Variants in APBB2 observed in about 807,000 individuals in gnomAD.
APBB2 encodes Fe65-like 1.
APBB2 carries 38 observed loss-of-function variants against 82.5 expected under a neutral mutation model. That is an observed-to-expected ratio of 0.46 (90% CI 0.36 to 0.60). The LOEUF (loss-of-function observed/expected upper bound fraction) is 0.60, where lower values mean the gene tolerates loss of function less well. Among genes scored for constraint, APBB2 ranks in the 20% least tolerant of loss-of-function variants. APBB2 has a pLI of 0.00. For missense variants in APBB2, 772 were observed against 972.3 expected (o/e 0.79, Z 2.74); for synonymous variants, 341 against 368.2 (o/e 0.93, Z 0.85).
chr4:41,088,333 A>G (rs1740538588), intron 3 of APBB2, among the ~76,000 whole-genome samples: 2 of 152,172 alleles, frequency 1.3e-5, no homozygotes, highest in Admixed American at 6.5e-5. Context: ...CCACATCAAT[A>G]TACACCCACT....
chr4:40,854,051 C>T (rs1760347006), intron 12 of APBB2, among the ~76,000 whole-genome samples: 2 of 152,162 alleles, frequency 1.3e-5, no homozygotes, highest in South Asian at 4.1e-4. Flanking sequence ...TCCTTATCTG[C>T]CGAACAGCAT....
chr4:41,115,234 A>G (rs1190753633), intron 2 of APBB2, among the ~76,000 whole-genome samples: 1 of 152,222 alleles, frequency 6.6e-6, no homozygotes, highest in Non-Finnish European at 1.5e-5. Flanking sequence ...AGGATTCCCT[A>G]TTTAATAAAT....
At chr4:41,204,804 T>A (rs866788486) in intron 1 of APBB2, among the ~76,000 whole-genome samples, 18 of 152,168 alleles carry the variant, frequency 1.2e-4, no homozygotes, top group African/African-American at 4.1e-4. Flanking sequence ...AGGGGAGAGA[T>A]GACTGTGTCA....
intron 2 of APBB2, among the ~76,000 whole-genome samples, chr4:41,108,414 T>C (rs1445881647): frequency 6.6e-6 from 1 of 151,926 alleles, no homozygotes; most frequent in African/African-American, 2.4e-5. Context: ...CAATTAATGG[T>C]TCTCAGTTGG....
At chr4:40,942,692 C>T (rs1344305981) in intron 7 of APBB2, among the ~76,000 whole-genome samples, 1 of 152,060 alleles carries the variant, frequency 6.6e-6, no homozygotes, top group African/African-American at 2.4e-5. Flanking sequence ...CAAGGGTGTG[C>T]CCTTCTGAGC....
intron 1 of APBB2, among the ~76,000 whole-genome samples, chr4:41,166,050 AT>A (rs1207851588): frequency 6.6e-6 from 1 of 150,936 alleles, no homozygotes; most frequent in African/African-American, 2.4e-5. Flanking sequence ...ATTTTTTTGT[AT>A]TTTTAGTAGA....
intron 12 of APBB2, among the ~76,000 whole-genome samples, chr4:40,845,425 C>T (rs768325710): frequency 6.6e-6 from 1 of 152,034 alleles, no homozygotes; most frequent in Non-Finnish European, 1.5e-5. Context: ...ATTAATTCCA[C>T]ATGAGCCGCA....
At chr4:41,132,990 G>A (rs1052307683) in intron 2 of APBB2, among the ~76,000 whole-genome samples, 7 of 151,866 alleles carry the variant, frequency 4.6e-5, no homozygotes, top group Non-Finnish European at 8.8e-5. Flanking sequence ...GGAAGAAAAA[G>A]TTTTCCAGTT....
intron 1 of APBB2, among the ~76,000 whole-genome samples, chr4:41,185,095 C>T (rs142252347): frequency 2.0e-5 from 3 of 152,068 alleles, no homozygotes; most frequent in East Asian, 1.9e-4. Flanking sequence ...AATGGCACCT[C>T]GCAGGAAAGG....
At chr4:40,930,472 C>T (rs954573138) in intron 10 of APBB2, among the ~76,000 whole-genome samples, 5 of 140,800 alleles carry the variant, frequency 3.6e-5, no homozygotes, top group African/African-American at 1.2e-4. Flanking sequence ...CGCGCGTGCG[C>T]GTGCGCGTAT....
At chr4:41,078,239 AT>A (rs2153924981) in intron 3 of APBB2, among the ~76,000 whole-genome samples, 1 of 152,342 alleles carries the variant, frequency 6.6e-6, no homozygotes, top group African/African-American at 2.4e-5. Context: ...CAATATAAAC[AT>A]ATTAATTTGC....
intron 10 of APBB2, among the ~76,000 whole-genome samples, chr4:40,931,499 G>A (rs1255940406): frequency 6.6e-6 from 1 of 152,078 alleles, no homozygotes; most frequent in Non-Finnish European, 1.5e-5. Flanking sequence ...CAAACTCCTG[G>A]GCTCTCGAAG....
chr4:41,147,516 G>T (rs1761117994), intron 1 of APBB2, among the ~76,000 whole-genome samples: 5 of 130,810 alleles, frequency 3.8e-5, no homozygotes, highest in East Asian at 4.8e-4. Flanking sequence ...TAAATGAGGA[G>T]TTTCCCTCTT....
intron 3 of APBB2, among the ~76,000 whole-genome samples, chr4:41,081,736 A>G (rs1022682736): frequency 2.6e-5 from 4 of 152,234 alleles, no homozygotes; most frequent in Non-Finnish European, 4.4e-5. Flanking sequence ...AAAAATCTCT[A>G]TGGGATTATA....
intron 12 of APBB2, chr4:40,857,253 G>A (rs1761557232): frequency 1.1e-6 from 1 of 874,412 alleles, no homozygotes; most frequent in Non-Finnish European, 1.4e-6. Flanking sequence ...GCCCCACCCG[G>A]CCGCACTCCC....
At chr4:41,057,475 T>C (rs1728233095) in intron 4 of APBB2, among the ~76,000 whole-genome samples, 1 of 152,148 alleles carries the variant, frequency 6.6e-6, no homozygotes. Flanking sequence ...AATACAATGT[T>C]CAATAGTATA....
At chr4:40,887,632 C>T (rs1770700976) in intron 12 of APBB2, among the ~76,000 whole-genome samples, 1 of 152,148 alleles carries the variant, frequency 6.6e-6, no homozygotes, top group South Asian at 2.1e-4. Flanking sequence ...ACTCAGGGGA[C>T]CAATGGGGAG....
At chr4:41,134,350 C>G (rs938252761) in intron 2 of APBB2, among the ~76,000 whole-genome samples, 2 of 151,982 alleles carry the variant, frequency 1.3e-5, no homozygotes, top group East Asian at 3.9e-4. Flanking sequence ...GAGGCCAAGG[C>G]GGGCTGATCA....
intron 6 of APBB2, among the ~76,000 whole-genome samples, chr4:40,950,097 G>A (rs543937364): frequency 6.6e-6 from 1 of 152,288 alleles, no homozygotes; most frequent in Non-Finnish European, 1.5e-5. Context: ...TAAAAAGCCT[G>A]CAGAGCATCT....
Sources: gnomAD v4.1 joint callset for allele counts (sites outside exome capture counted in the v4.1 genomes callset) on GRCh38, gnomAD v4.1.1 for gene constraint, MANE v1.5 for transcripts, NCBI Gene and HGNC (gene_info 2026-07-23, HGNC 2026-07-21) for gene names.